ARMH3: variants seen among roughly 807,000 people sequenced by gnomAD.
ARMH3 encodes armadillo like helical domain containing 3, also known as armadillo-like helical domain-containing protein 3.
Under a neutral mutation model 99.1 loss-of-function variants are expected in ARMH3, and 60 were observed. The ratio of observed to expected loss-of-function variants is 0.61; its 90% confidence interval spans 0.49 to 0.75. ARMH3 has a LOEUF of 0.75. Ranked by LOEUF, ARMH3 falls within the 30% of genes least tolerant of loss-of-function variation. The pLI, the probability that ARMH3 is intolerant of heterozygous loss-of-function variation, is 0.00. For synonymous variants in ARMH3, 285 were observed against 292.8 expected (o/e 0.97, Z 0.27); for missense variants, 679 against 843.1 (o/e 0.81, Z 2.41).
chr10:101,947,796 A>AAAGT (rs376416583), intron 22 of ARMH3, among the ~76,000 whole-genome samples: 1 of 145,272 alleles, frequency 6.9e-6, no homozygotes, highest in East Asian at 2.0e-4. Flanking sequence ...GCGAAACTCA[A>AAAGT]AAATAAATAA....
At chr10:102,033,630 G>A (rs2067185948) in intron 2 of ARMH3, among the ~76,000 whole-genome samples, 1 of 152,132 alleles carries the variant, frequency 6.6e-6, no homozygotes, top group African/African-American at 2.4e-5. Flanking sequence ...ATGTTAGCCA[G>A]GATGGTCTTG....
chr10:102,021,256 T>C (rs1017750135), intron 8 of ARMH3, among the ~76,000 whole-genome samples: 1 of 152,022 alleles, frequency 6.6e-6, no homozygotes. Context: ...TTTGTATTTT[T>C]AAAAATATAG....
At chr10:101,867,644 G>A (rs2067035004) in intron 24 of ARMH3, among the ~76,000 whole-genome samples, 1 of 152,072 alleles carries the variant, frequency 6.6e-6, no homozygotes, top group Non-Finnish European at 1.5e-5. Flanking sequence ...ACCAGCCTGG[G>A]CAACATAGTG....
intron 23 of ARMH3, among the ~76,000 whole-genome samples, chr10:101,921,737 G>A (rs943713644): frequency 6.6e-5 from 10 of 152,200 alleles, no homozygotes; most frequent in African/African-American, 1.9e-4. Context: ...GGCACAGAAA[G>A]ACAAATTTCG....
At chr10:101,980,576 G>A (rs1846182461) in intron 19 of ARMH3, among the ~76,000 whole-genome samples, 1 of 152,156 alleles carries the variant, frequency 6.6e-6, no homozygotes, top group South Asian at 2.1e-4. Flanking sequence ...TAGGATTACA[G>A]GCGGGAGCCA....
Position 102,012,821 on chromosome 10 carries a change from A to T in ARMH3, c.770+12T>A. On this transcript the variant is annotated intron_variant, in intron 10 of 25. Transcript: ENST00000370033. The stretch of plus-strand genomic sequence containing the variant: ...AATCAGACCCCCTTCCATTCTGGAA[A>T]GGTGGACTTACCTGTTGTACTCAGA... 4.4e-6 allele frequency: 7 copies of T among 1,605,278 alleles called. No homozygotes were observed. Among genetic ancestry groups the T allele is most frequent in the Non-Finnish European group, 6.0e-6 (7 of 1,174,356 alleles).
intron 20 of ARMH3, among the ~76,000 whole-genome samples, chr10:101,967,043 C>A (rs752185937): frequency 5.3e-5 from 8 of 152,194 alleles, no homozygotes; most frequent in Non-Finnish European, 1.0e-4. Context: ...TCTATTTGAG[C>A]AGCTTTTACA....
At chr10:101,964,438 C>T (rs1845447119) in intron 20 of ARMH3, among the ~76,000 whole-genome samples, 1 of 152,212 alleles carries the variant, frequency 6.6e-6, no homozygotes, top group Non-Finnish European at 1.5e-5. Flanking sequence ...CCCATGTTTA[C>T]AGCAGCATCA....
At position 101,850,536 on chromosome 10, in the gene ARMH3, T is replaced by C. The variant is rs187297522; in HGVS notation, c.1861-644A>G. ...GCCTCCTGGGTTCAAGCAATTCTCA[T>C]GCCTCAACCTCCTGAGTAGCTGGGA... On this transcript the variant is annotated intron_variant, in intron 24 of 25. Transcript: ENST00000370033. Among the ~76,000 whole-genome samples, 350 of 152,042 alleles carry C rather than the reference T, an allele frequency of 2.3e-3. 1 individual carries two copies. The highest frequency in any genetic ancestry group is 4.3e-3 in the Non-Finnish European group (293 of 67,972).
At chr10:101,879,274 C>A (rs1204908976) in intron 24 of ARMH3, among the ~76,000 whole-genome samples, 1 of 152,046 alleles carries the variant, frequency 6.6e-6, no homozygotes, top group Non-Finnish European at 1.5e-5. Flanking sequence ...AGCTGTGTGA[C>A]CCTGAAGAAA....
intron 20 of ARMH3, among the ~76,000 whole-genome samples, chr10:101,964,568 G>GCCCC (rs1845452211): frequency 1.3e-5 from 2 of 152,108 alleles, no homozygotes; most frequent in African/African-American, 4.8e-5. Context: ...AGAAAATTCT[G>GCCCC]ACAACATAGA....
intron 24 of ARMH3, among the ~76,000 whole-genome samples, chr10:101,869,013 A>G (rs1387002796): frequency 6.6e-6 from 1 of 151,612 alleles, no homozygotes; most frequent in East Asian, 1.9e-4. Flanking sequence ...CAGAGGTTGC[A>G]GTGAGCCAAA....
intron 1 of ARMH3, among the ~76,000 whole-genome samples, chr10:102,042,478 C>T (rs796804832): frequency 2.0e-5 from 3 of 152,310 alleles, no homozygotes; most frequent in African/African-American, 7.2e-5. Context: ...AAAAACAATT[C>T]CAATCCAAAC....
intron 20 of ARMH3, among the ~76,000 whole-genome samples, chr10:101,972,235 C>T (rs190553173): frequency 6.6e-6 from 1 of 152,246 alleles, no homozygotes; most frequent in East Asian, 1.9e-4. Context: ...CCAATAATAA[C>T]AAAGAGCTAA....
chr10:101,948,557 T>A (rs1844652463), intron 22 of ARMH3, among the ~76,000 whole-genome samples: 1 of 152,014 alleles, frequency 6.6e-6, no homozygotes, highest in Non-Finnish European at 1.5e-5. Context: ...CAAGATATAA[T>A]AATCCTAAAT....
intron 18 of ARMH3, among the ~76,000 whole-genome samples, chr10:101,991,021 A>G (rs1260391378): frequency 1.3e-5 from 2 of 152,244 alleles, no homozygotes; most frequent in East Asian, 3.8e-4. Context: ...CTCTAAAGCT[A>G]TGTCAGTCAA....
intron 24 of ARMH3, among the ~76,000 whole-genome samples, chr10:101,886,663 T>C (rs2067553721): frequency 6.6e-6 from 1 of 152,170 alleles, no homozygotes; most frequent in African/African-American, 2.4e-5. Context: ...TGTGAAAGGC[T>C]GGGCTTTGTT....
At chr10:101,861,364 G>A (rs942379682) in intron 24 of ARMH3, among the ~76,000 whole-genome samples, 4 of 152,196 alleles carry the variant, frequency 2.6e-5, no homozygotes, top group African/African-American at 7.2e-5. Context: ...ATTCAGAAAT[G>A]AGAGTAAAAT....
intron 2 of ARMH3, among the ~76,000 whole-genome samples, chr10:102,034,556 A>C (rs1408896835): frequency 2.0e-5 from 3 of 151,884 alleles, no homozygotes; most frequent in Non-Finnish European, 4.4e-5. Context: ...GAATGGCGTG[A>C]ACCTGGGAGG....
Sources: gnomAD v4.1 joint callset for allele counts (sites outside exome capture counted in the v4.1 genomes callset) on GRCh38, gnomAD v4.1.1 for gene constraint, MANE v1.5 for transcripts, NCBI Gene and HGNC (gene_info 2026-07-23, HGNC 2026-07-21) for gene names.